Variants in TFRC observed in about 807,000 individuals in gnomAD.
TFRC encodes transferrin receptor.
Under a neutral mutation model 85.8 loss-of-function variants are expected in TFRC, and 35 were observed. That is an observed-to-expected ratio of 0.41 (90% confidence interval 0.31 to 0.54). The LOEUF is 0.54. TFRC is among the 20% of genes least tolerant of loss of function. The pLI, the probability that TFRC is intolerant of heterozygous loss-of-function variation, is 0.31. For synonymous variants in TFRC, 362 were observed against 328.6 expected (o/e 1.10, Z -1.10); for missense variants, 828 against 921.5 (o/e 0.90, Z 1.31).
intron 17 of TFRC, among the ~76,000 whole-genome samples, chr3:196,054,417 A>G: frequency 6.6e-6 from 1 of 152,238 alleles, no homozygotes; most frequent in Non-Finnish European, 1.5e-5. Context: ...CAAAAAAAAT[A>G]AAATAAAAAT....
intron 16 of TFRC, among the ~76,000 whole-genome samples, chr3:196,056,829 C>CT (rs891086395): frequency 3.3e-5 from 5 of 149,972 alleles, no homozygotes; most frequent in Non-Finnish European, 5.9e-5. Flanking sequence ...ATGTGTATAA[C>CT]TTTTTTTTTT....
chr3:196,064,242 C>G, intron 11 of TFRC, 67 bp downstream of exon 11: 2 of 1,466,858 alleles, frequency 1.4e-6, no homozygotes, highest in Non-Finnish European at 1.8e-6. Flanking sequence ...GTGAGCAAAG[C>G]ACAGTATAAC....
Position 196,051,588 on chromosome 3 carries a change from C to T in TFRC, c.*354G>A. 3.5e-6 allele frequency: 1 copy of T among 281,722 alleles called. No homozygotes were observed. The highest frequency in any genetic ancestry group is 8.1e-5 in the South Asian group (1 of 12,296). 17.5% of individuals were successfully genotyped at this position (281,722 alleles called of 1,614,324 possible). A position where few individuals can be genotyped will look rare whatever the true frequency, so the allele number is the denominator to read the frequency against. On this transcript the variant is annotated 3_prime_UTR_variant, in exon 19 of 19. Transcript: ENST00000360110. ...CTCAAAGTAAGCGACCACTTACAAC[C>T]TTCAGCAGAGACCAGCCCTTAGGAT...
chr3:196,058,161 C>T, intron 16 of TFRC, 123 bp downstream of exon 16: 1 of 702,066 alleles, frequency 1.4e-6, no homozygotes. Flanking sequence ...TCCTTTACTC[C>T]TCTGAATATG....
chr3:196,055,226 T>G lies in TFRC; in HGVS notation c.1753A>C (p.Lys585Gln), dbSNP rs1297401072. ...ACCTCTGCAGCTGCTCGTGCCACTT[T>G]GTTCAACTCAGGAATCCTCTCAATC... ...ELIERIPELN[K>Q]VARAAAEVAG... The change falls in exon 17 of 19, where the codon AAA becomes CAA. Residue 585 changes from lysine to glutamine, a missense_variant. By Grantham distance (53) the Lys-to-Gln change is moderately conservative. Transcript: ENST00000360110. 6.2e-7 allele frequency: 1 copy of G among 1,614,130 alleles called. No individual in the cohort carries two copies. Among genetic ancestry groups the G allele is most frequent in the East Asian group, 2.2e-5 (1 of 44,902 alleles).
At chr3:196,069,936 C>T (rs963874393) in intron 6 of TFRC, among the ~76,000 whole-genome samples, 4 of 152,144 alleles carry the variant, frequency 2.6e-5, no homozygotes, top group Non-Finnish European at 4.4e-5. Flanking sequence ...GATAATAAAT[C>T]TGTCCCAAAA....
intron 2 of TFRC, among the ~76,000 whole-genome samples, chr3:196,076,503 G>A (rs1408511515): frequency 1.3e-5 from 2 of 149,792 alleles, no homozygotes; most frequent in Non-Finnish European, 3.0e-5. Context: ...AGGCTGGAGT[G>A]CAATGGCGTG....
At chr3:196,058,430 TCCC>T (rs1316680862) in intron 15 of TFRC, 65 bp from the exon 16 acceptor site, 6 of 1,515,412 alleles carry the variant, frequency 4.0e-6, no homozygotes, top group Admixed American at 3.6e-5. Context: ...ATCGTGCTAG[TCCC>T]CCCATCCAAA....
chr3:196,075,565 A>G lies in TFRC; in HGVS notation c.37-205T>C, dbSNP rs549685084. On this transcript the variant is annotated intron_variant, in intron 2 of 18. Transcript: ENST00000360110. ...CTCAGTCAGTCTCTCCCTTTTTGTA[A>G]ATTTTTTTTTTTTTTTGAGACAAGG... Among the ~76,000 whole-genome samples the G allele has an allele frequency of 1.2e-3, 177 of 151,248 alleles. 3 individuals are homozygous for G. Among genetic ancestry groups the G allele is most frequent in the Non-Finnish European group, 2.8e-4 (19 of 67,878 alleles).
At chr3:196,067,389 A>G in intron 9 of TFRC, 129 bp downstream of exon 9, 1 of 995,092 alleles carries the variant, frequency 1.0e-6, no homozygotes, top group South Asian at 1.8e-5. Context: ...CCAAGGTAAC[A>G]GCTAACCATC....
At chr3:196,062,242 A>C (rs1418380089) in intron 13 of TFRC, 1 of 234,420 alleles carries the variant, frequency 4.3e-6, no homozygotes. Context: ...GCTTTCTTCC[A>C]CTTCAAAGTA....
At chr3:196,057,981 C>T (rs769667076) in intron 16 of TFRC, 1 of 214,778 alleles carries the variant, frequency 4.7e-6, no homozygotes, top group Non-Finnish European at 9.2e-6. Flanking sequence ...CAACCTTACA[C>T]AAAGGCCACT....
At position 196,052,092 on chromosome 3, in the gene TFRC, A is replaced by G; in HGVS notation, c.2133T>C (p.Ala711=). Residue 711 remains alanine, a synonymous_variant, in exon 19 of 19, where the codon GCT becomes GCC. Coordinates refer to ENST00000360110, the MANE Select transcript of TFRC (RefSeq NM_001128148.3). ...TACGCAGTTTCAAGTTCTCCAGTAAAGCTGGCAGCGTGTGAGAGCCGGAGC... is the reference window on the plus strand; with the variant it reads ...TACGCAGTTTCAAGTTCTCCAGTAAGGCTGGCAGCGTGTGAGAGCCGGAGC... ...FWGSGSHTLP[A]LLENLKLRKQ... The G allele has an allele frequency of 6.2e-7, 1 of 1,614,124 alleles. No individual in the cohort carries two copies. Among genetic ancestry groups the G allele is most frequent in the Non-Finnish European group, 8.5e-7 (1 of 1,180,026 alleles).
chr3:196,080,419 A>G (rs1390479329), intron 1 of TFRC, among the ~76,000 whole-genome samples: 2 of 152,028 alleles, frequency 1.3e-5, no homozygotes, highest in Admixed American at 6.6e-5. Flanking sequence ...TTGTGTTTTT[A>G]GTAGAGACAG....
intron 11 of TFRC, among the ~76,000 whole-genome samples, chr3:196,063,687 C>T (rs1717470363): frequency 6.6e-6 from 1 of 152,140 alleles, no homozygotes; most frequent in African/African-American, 2.4e-5. Flanking sequence ...TTTTGGGAGG[C>T]TGAGGCGGGT....
At chr3:196,076,307 A>G (rs910343285) in intron 2 of TFRC, among the ~76,000 whole-genome samples, 1 of 151,706 alleles carries the variant, frequency 6.6e-6, no homozygotes, top group Admixed American at 6.6e-5. Context: ...ATGTTTCTTA[A>G]AATTTCATTT....
At position 196,050,352 on chromosome 3, in the gene TFRC, GACC is replaced by G. The variant is rs1716211686; in HGVS notation, c.*1587_*1589del. On this transcript the variant is annotated 3_prime_UTR_variant, in exon 19 of 19. Coordinates refer to ENST00000360110, the MANE Select transcript of TFRC (RefSeq NM_001128148.3). ...TGAATTTACCCACCCAATGCTTAATGACCACAAAATGTTTCTGCAACTAAAACT... is the reference window on the plus strand; with the variant it reads ...TGAATTTACCCACCCAATGCTTAATGACAAAATGTTTCTGCAACTAAAACT... 1 of 216,978 alleles carries G rather than the reference GACC, an allele frequency of 4.6e-6. No individual in the cohort carries two copies. Among genetic ancestry groups the G allele is most frequent in the East Asian group, 6.9e-5 (1 of 14,534 alleles). The allele number at this position is 216,978 out of a possible 1,614,324, so 13.4% of individuals were successfully genotyped here. A position where few individuals can be genotyped will look rare whatever the true frequency, so the allele number is the denominator to read the frequency against.
intron 7 of TFRC, among the ~76,000 whole-genome samples, chr3:196,068,754 CCT>C (rs1717945814): frequency 6.6e-6 from 1 of 151,146 alleles, no homozygotes; most frequent in African/African-American, 2.4e-5. Flanking sequence ...GTCGTGAAAC[CCT>C]GTCTCTACTA....
At chr3:196,068,194 T>C (rs562897465) in intron 7 of TFRC, 64 bp from the exon 8 acceptor site, 25 of 1,238,626 alleles carry the variant, frequency 2.0e-5, no homozygotes, top group Non-Finnish European at 2.7e-5. Context: ...GAATACATCC[T>C]GGACATTATG....
Sources: gnomAD v4.1 joint callset for allele counts (sites outside exome capture counted in the v4.1 genomes callset) on GRCh38, gnomAD v4.1.1 for gene constraint, MANE v1.5 for transcripts, NCBI Gene and HGNC (gene_info 2026-07-23, HGNC 2026-07-21) for gene names.